The following CALN1 variants were observed in gnomAD, a reference collection of about 807,000 sequenced individuals.
The protein encoded by CALN1 is calneuron 1.
A neutral mutation model predicts 30.6 loss-of-function variants in CALN1; 17 were observed. The observed-to-expected ratio is 0.56, with a 90% CI of 0.38 to 0.83. The LOEUF is 0.83. CALN1 is among the 40% of genes least tolerant of loss of function. The pLI is 0.00. For missense variants in CALN1, 291 were observed against 354.9 expected (o/e 0.82, Z 1.45); for synonymous variants, 156 against 131.4 (o/e 1.19, Z -1.28).
At chr7:72,318,181 A>G (rs772143400) in intron 2 of CALN1, among the ~76,000 whole-genome samples, 22 of 152,242 alleles carry the variant, frequency 1.4e-4, no homozygotes, top group Non-Finnish European at 2.9e-4. Flanking sequence ...ATGATACTCA[A>G]GTCTTAAACA....
At chr7:71,912,684 A>C in intron 5 of CALN1, among the ~76,000 whole-genome samples, 1 of 152,118 alleles carries the variant, frequency 6.6e-6, no homozygotes, top group East Asian at 1.9e-4. Context: ...GCAGGAAGTA[A>C]GTTATGACTG....
the CALN1 span, among the ~76,000 whole-genome samples, chr7:72,476,872 G>A: frequency 3.9e-5 from 6 of 152,156 alleles, no homozygotes; most frequent in South Asian, 2.1e-4. Context: ...CTGAGAGAAC[G>A]AATATATAAA....
At chr7:72,308,378 A>AGC (rs1799809342) in intron 2 of CALN1, among the ~76,000 whole-genome samples, 1 of 28,108 alleles carries the variant, frequency 3.6e-5, no homozygotes, top group Non-Finnish European at 7.3e-5. Flanking sequence ...GGGGGGAGAG[A>AGC]GAGAGAGAGA....
At chr7:72,067,289 T>A (rs1804089412) in intron 4 of CALN1, among the ~76,000 whole-genome samples, 1 of 152,204 alleles carries the variant, frequency 6.6e-6, no homozygotes, top group Non-Finnish European at 1.5e-5. Context: ...TCACCCAGGC[T>A]GGAGTGCAGT....
chr7:71,901,706 T>C (rs1793860081), intron 5 of CALN1, among the ~76,000 whole-genome samples: 1 of 152,148 alleles, frequency 6.6e-6, no homozygotes. Context: ...CTGGAAAAAC[T>C]GGAGAGCCAT....
intron 4 of CALN1, among the ~76,000 whole-genome samples, chr7:72,061,674 G>A (rs1168915143): frequency 6.6e-6 from 1 of 151,086 alleles, no homozygotes; most frequent in Non-Finnish European, 1.5e-5. Context: ...ACTATCAGAG[G>A]CATAAAAGGA....
chr7:71,802,842 G>A (rs774986477), intron 6 of CALN1, among the ~76,000 whole-genome samples: 4 of 151,982 alleles, frequency 2.6e-5, no homozygotes, highest in Non-Finnish European at 5.9e-5. Context: ...GGCCAACATG[G>A]TGAAACCTTG....
At chr7:72,319,741 T>G (rs1800739840) in intron 2 of CALN1, among the ~76,000 whole-genome samples, 1 of 152,082 alleles carries the variant, frequency 6.6e-6, no homozygotes, top group South Asian at 2.1e-4. Flanking sequence ...AAATCTGTGG[T>G]GAGGCTGGGG....
At chr7:72,159,232 T>C (rs2129544714) in intron 3 of CALN1, among the ~76,000 whole-genome samples, 1 of 152,312 alleles carries the variant, frequency 6.6e-6, no homozygotes, top group East Asian at 1.9e-4. Flanking sequence ...TTCTGTTTAT[T>C]GCAATCAATA....
intron 1 of CALN1, among the ~76,000 whole-genome samples, chr7:72,408,675 C>CTTTTTTTTTTTTTTTTTTT (rs534883618): frequency 1.3e-5 from 1 of 77,966 alleles, no homozygotes; most frequent in African/African-American, 5.0e-5. Flanking sequence ...TTATCTTTTC[C>CTTTTTTTTTTTTTTTTTTT]TTTTTTTTTT....
At chr7:72,237,739 A>G (rs867363858) in intron 3 of CALN1, among the ~76,000 whole-genome samples, 4 of 152,308 alleles carry the variant, frequency 2.6e-5, no homozygotes, top group South Asian at 2.1e-4. Context: ...CAAGACAGAG[A>G]GAAACCCTTC....
rs1793024679 is a variant in CALN1, at chr7:71,787,169, A to C, written c.*606T>G. 1 of 149,812 alleles carries C rather than the reference A, an allele frequency of 6.7e-6. No individual in the cohort carries two copies. Among genetic ancestry groups the C allele is most frequent in the Non-Finnish European group, 1.5e-5 (1 of 67,838 alleles). The allele number at this position is 149,812 out of a possible 1,614,324, so 9.3% of individuals were successfully genotyped here. On this transcript the variant is annotated 3_prime_UTR_variant, in exon 7 of 7. Coordinates refer to ENST00000395275, the MANE Select transcript of CALN1 (RefSeq NM_031468.4). The stretch of plus-strand genomic sequence containing the variant: ...GCAGTCCTCTAGAAAAGGCAGTAAG[A>C]ACGGAAGCGGTGAGGGGTGCAGCTG...
chr7:72,278,044 G>C (rs1362351628), intron 3 of CALN1, among the ~76,000 whole-genome samples: 1 of 121,524 alleles, frequency 8.2e-6, no homozygotes. Flanking sequence ...TTTTTAATTA[G>C]AGGATTGGTT....
At chr7:72,170,175 A>T (rs1788837592) in intron 3 of CALN1, among the ~76,000 whole-genome samples, 2 of 151,958 alleles carry the variant, frequency 1.3e-5, no homozygotes, top group African/African-American at 2.4e-5. Context: ...TAGAGACAGG[A>T]TCTTACTATG....
intron 3 of CALN1, among the ~76,000 whole-genome samples, chr7:72,122,022 C>T (rs893656917): frequency 1.3e-5 from 2 of 151,752 alleles, no homozygotes; most frequent in Middle Eastern, 3.4e-3. Flanking sequence ...GCACCCCCTC[C>T]ACAAAATAGT....
rs141388683 is a variant in CALN1, at chr7:72,276,725, G to A, written c.244+1961C>T. ...TCTCGCCTTTCCACCTTCTGTCATGGGATGAAACAGCATGAAGGCCCTCAC... is the reference window on the plus strand; with the variant it reads ...TCTCGCCTTTCCACCTTCTGTCATGAGATGAAACAGCATGAAGGCCCTCAC... On this transcript the variant is annotated intron_variant, in intron 3 of 6. Transcript: ENST00000395275. Among the ~76,000 whole-genome samples the A allele has an allele frequency of 2.1e-3, 326 of 152,106 alleles. 2 individuals carry two copies. The highest frequency in any genetic ancestry group is 7.5e-3 in the African/African-American group (313 of 41,494).
At chr7:72,419,573 A>G (rs1361372441) in intron 1 of CALN1, among the ~76,000 whole-genome samples, 1 of 152,190 alleles carries the variant, frequency 6.6e-6, no homozygotes, top group Non-Finnish European at 1.5e-5. Flanking sequence ...ATCCTGATAT[A>G]GAATGGCTGG....
chr7:72,394,853 T>C (rs1805811844), intron 2 of CALN1, among the ~76,000 whole-genome samples: 2 of 152,108 alleles, frequency 1.3e-5, no homozygotes, highest in South Asian at 4.2e-4. Context: ...AGATGGACTC[T>C]CACTAGATTG....
chr7:72,482,526 T>G, the CALN1 span, among the ~76,000 whole-genome samples: 1 of 152,114 alleles, frequency 6.6e-6, no homozygotes, highest in Non-Finnish European at 1.5e-5. Context: ...GTTTTGCTAT[T>G]TTAGTGGCTG....
Sources: allele counts gnomAD v4.1 joint callset (sites outside exome capture counted in the v4.1 genomes callset), GRCh38; gene constraint gnomAD v4.1.1; transcripts MANE v1.5; gene names NCBI Gene and HGNC (gene_info 2026-07-23, HGNC 2026-07-21).